The following ABCA1 variants were observed in gnomAD, a reference collection of about 807,000 sequenced individuals.
ABCA1 encodes the protein ATP binding cassette subfamily A member 1.
ABCA1 carries 133 observed loss-of-function variants against 262.5 expected under a neutral mutation model. That is an observed-to-expected ratio of 0.51 (90% CI 0.44 to 0.59). The LOEUF (loss-of-function observed/expected upper bound fraction) is 0.59. Among genes scored for constraint, ABCA1 ranks in the 20% least tolerant of loss-of-function variants. The pLI, the probability that ABCA1 is intolerant of heterozygous loss-of-function variation, is 0.00. For missense variants in ABCA1, 2,452 were observed against 2,777.5 expected, an observed-to-expected ratio of 0.88 and a Z score of 2.63; for synonymous variants, 1,022 against 1,043.5, an observed-to-expected ratio of 0.98 and a Z score of 0.40.
At chr9:104,835,015 G>A (rs978285865) in intron 11 of ABCA1, among the ~76,000 whole-genome samples, 2 of 152,160 alleles carry the variant, frequency 1.3e-5, no homozygotes, top group African/African-American at 4.8e-5. Context: ...TTGGGAGGCT[G>A]AGGCAGGTGG....
rs557626075 is a variant in ABCA1 at position 104,882,028 on chromosome 9, TAAAAAAAAAA to T, written c.421+1001_421+1010del. 3.1e-4 allele frequency among the ~76,000 whole-genome samples: 23 copies of T among 73,754 alleles called. 2 individuals are homozygous for T. The highest frequency in any genetic ancestry group is 1.1e-3 in the East Asian group (2 of 1,778). The allele number at this position is 73,754 out of a possible 152,430, so 48.4% of individuals were successfully genotyped here. A position where few individuals can be genotyped will look rare whatever the true frequency, so the allele number is the denominator to read the frequency against. On this transcript the variant is annotated intron_variant, in intron 5 of 49. Transcript: ENST00000374736. ...CAAGGAAAGCACAGTTCTGTAGCCTTAAAAAAAAAAAAAAAAAAAAAAAAAAAAACTCAAA... is the reference window on the plus strand; with the variant it reads ...CAAGGAAAGCACAGTTCTGTAGCCTTAAAAAAAAAAAAAAAAAAACTCAAA...
chr9:104,868,228 G>A (rs1244119692), intron 5 of ABCA1, among the ~76,000 whole-genome samples: 3 of 152,126 alleles, frequency 2.0e-5, no homozygotes, highest in Admixed American at 6.5e-5. Flanking sequence ...GTGTGGTGGC[G>A]CATGCCTGTA....
Position 104,831,610 on chromosome 9 carries a change from G to A in ABCA1, c.1715+12C>T. 6.2e-7 allele frequency: 1 copy of A among 1,609,664 alleles called. No individual in the cohort carries two copies. Among genetic ancestry groups the A allele is most frequent in the African/African-American group, 1.3e-5 (1 of 74,970 alleles). ...CCCCAAGACCAGGCTGGTGTGATGGGATTCCACTTACCCATCCTTGATTTT... is the reference window on the plus strand; with the variant it reads ...CCCCAAGACCAGGCTGGTGTGATGGAATTCCACTTACCCATCCTTGATTTT... On this transcript the variant is annotated intron_variant, in intron 13 of 49. Coordinates refer to ENST00000374736, the MANE Select transcript of ABCA1 (RefSeq NM_005502.4).
chr9:104,900,905 G>A (rs1840614369), intron 2 of ABCA1, among the ~76,000 whole-genome samples: 1 of 152,230 alleles, frequency 6.6e-6, no homozygotes, highest in Non-Finnish European at 1.5e-5. Flanking sequence ...GCAGGCAGTG[G>A]TATAACAACT....
intron 2 of ABCA1, among the ~76,000 whole-genome samples, chr9:104,890,205 A>G (rs951996860): frequency 1.3e-5 from 2 of 152,236 alleles, no homozygotes; most frequent in Admixed American, 6.5e-5. Context: ...GAGTAATTAT[A>G]ACTTACAACT....
intron 25 of ABCA1, among the ~76,000 whole-genome samples, chr9:104,814,887 T>C (rs1214766759): frequency 6.6e-6 from 1 of 152,028 alleles, no homozygotes; most frequent in African/African-American, 2.4e-5. Context: ...CTCAGCTACT[T>C]GGGAGGCTGA....
At chr9:104,815,251 T>C (rs1588280329) in intron 25 of ABCA1, among the ~76,000 whole-genome samples, 2 of 152,264 alleles carry the variant, frequency 1.3e-5, no homozygotes, top group South Asian at 4.1e-4. Context: ...CTCTAGTCTA[T>C]AGACCACTGT....
At chr9:104,868,668 C>T (rs983171441) in intron 5 of ABCA1, among the ~76,000 whole-genome samples, 2 of 152,176 alleles carry the variant, frequency 1.3e-5, no homozygotes, top group African/African-American at 4.8e-5. Flanking sequence ...AGTGACCTAC[C>T]AATTAGCCAA....
At chr9:104,870,908 G>GA (rs1837549819) in intron 5 of ABCA1, among the ~76,000 whole-genome samples, 1 of 152,064 alleles carries the variant, frequency 6.6e-6, no homozygotes, top group Admixed American at 6.5e-5. Context: ...CCAGGAGAAG[G>GA]AAATTCACAG....
intron 6 of ABCA1, 199 bp downstream of exon 6, chr9:104,861,480 G>C: frequency 1.5e-6 from 1 of 673,764 alleles, no homozygotes; most frequent in Non-Finnish European, 2.6e-6. Flanking sequence ...GGCCCATGAC[G>C]CCAGGTTGCA....
At chr9:104,909,607 TACACACACACACACACAC>T (rs59524252) in intron 1 of ABCA1, among the ~76,000 whole-genome samples, 22 of 134,062 alleles carry the variant, frequency 1.6e-4, no homozygotes, top group East Asian at 1.5e-3. Flanking sequence ...GCAAAAGAAA[TACACACACACACACACAC>T]ACACACACAC....
chr9:104,852,730 G>A (rs1419689882), intron 7 of ABCA1, among the ~76,000 whole-genome samples: 3 of 152,160 alleles, frequency 2.0e-5, no homozygotes, highest in Non-Finnish European at 2.9e-5. Context: ...TGGGGATTGC[G>A]GCTGCTTGCT....
At chr9:104,925,236 G>C (rs981195456) in intron 1 of ABCA1, among the ~76,000 whole-genome samples, 5 of 152,150 alleles carry the variant, frequency 3.3e-5, no homozygotes, top group African/African-American at 1.2e-4. Context: ...AACTAGCCAG[G>C]CATGGTGGCG....
intron 5 of ABCA1, among the ~76,000 whole-genome samples, chr9:104,874,397 C>T (rs1837915975): frequency 6.6e-6 from 1 of 152,062 alleles, no homozygotes; most frequent in African/African-American, 2.4e-5. Context: ...AACCCCGTCT[C>T]TACTAAAAAA....
chr9:104,845,385 T>G (rs1834772844), intron 8 of ABCA1, 92 bp downstream of exon 8: 11 of 833,962 alleles, frequency 1.3e-5, no homozygotes, highest in Non-Finnish European at 2.1e-5. Flanking sequence ...CCATGTGATA[T>G]TCAACTCAAA....
At chr9:104,893,013 G>A (rs1839884468) in intron 2 of ABCA1, among the ~76,000 whole-genome samples, 1 of 152,142 alleles carries the variant, frequency 6.6e-6, no homozygotes, top group Non-Finnish European at 1.5e-5. Context: ...GAAAAAAGCA[G>A]AATACAAAAT....
rs377255421 is a variant in ABCA1, at chr9:104,863,521, G to T, written c.422-1721C>A. Among the ~76,000 whole-genome samples, 427 of 152,328 alleles carry T rather than the reference G, an allele frequency of 2.8e-3. 4 individuals are homozygous for T. In the South Asian group the frequency reaches 0.035, roughly 12 times the overall value. Reference sequence around the variant, plus strand: ...GCTTAATGAGGACAGGAGTTAATCCGCGGAGCTAAGAGGGTCACATGCAGA... The same window carrying T: ...GCTTAATGAGGACAGGAGTTAATCCTCGGAGCTAAGAGGGTCACATGCAGA... On this transcript the variant is annotated intron_variant, in intron 5 of 49. Transcript: ENST00000374736.
At position 104,788,073 on chromosome 9, in the gene ABCA1, C is replaced by A. The variant is rs953062048; in HGVS notation, c.6070-19G>T. On this transcript the variant is annotated intron_variant, in intron 45 of 49. Coordinates refer to ENST00000374736, the MANE Select transcript of ABCA1 (RefSeq NM_005502.4). ...CACCAACCTACAGTGATAAAAAGCA[C>A]CTTGACTTTGGTCTGGCTTGGGAAT... 6.2e-7 allele frequency: 1 copy of A among 1,613,584 alleles called. No individual in the cohort carries two copies. The highest frequency in any genetic ancestry group is 8.5e-7 in the Non-Finnish European group (1 of 1,179,608).
intron 1 of ABCA1, among the ~76,000 whole-genome samples, chr9:104,914,197 G>C (rs568430727): frequency 6.6e-6 from 1 of 151,680 alleles, no homozygotes; most frequent in East Asian, 2.0e-4. Flanking sequence ...CTGAGCCTTG[G>C]CCAGACGCAG....
Sources: gnomAD v4.1 joint callset for allele counts (sites outside exome capture counted in the v4.1 genomes callset) on GRCh38, gnomAD v4.1.1 for gene constraint, MANE v1.5 for transcripts, NCBI Gene and HGNC (gene_info 2026-07-23, HGNC 2026-07-21) for gene names.